RBMS1: variants seen among roughly 807,000 people sequenced by gnomAD.
RBMS1 encodes the protein RNA binding motif single stranded interacting protein 1.
A neutral mutation model predicts 62.3 loss-of-function variants in RBMS1; 17 were observed. The ratio of observed to expected loss-of-function variants is 0.27; its 90% CI spans 0.19 to 0.41. The LOEUF is 0.41. Among genes scored for constraint, RBMS1 ranks in the 10% least tolerant of loss-of-function variants. RBMS1 has a pLI of 1.00. For synonymous variants in RBMS1, 172 were observed against 170.0 expected (o/e 1.01, Z -0.09); for missense variants, 334 against 504.5 (o/e 0.66, Z 3.24).
At chr2:160,481,627 A>G (rs372190863) in intron 1 of RBMS1, among the ~76,000 whole-genome samples, 11 of 152,222 alleles carry the variant, frequency 7.2e-5, no homozygotes, top group African/African-American at 2.7e-4. Flanking sequence ...AAAAGTGAAC[A>G]AAAAGTTGAA....
At chr2:160,331,223 A>G (rs977561540) in intron 2 of RBMS1, among the ~76,000 whole-genome samples, 1 of 152,128 alleles carries the variant, frequency 6.6e-6, no homozygotes, top group Non-Finnish European at 1.5e-5. Flanking sequence ...CAAATGAATA[A>G]AACTCCAGCC....
chr2:160,287,270 A>G (rs1688449840), intron 6 of RBMS1, among the ~76,000 whole-genome samples, 186 bp from the exon 7 acceptor site: 1 of 152,258 alleles, frequency 6.6e-6, no homozygotes, highest in African/African-American at 2.4e-5. Context: ...AGAAAAACAT[A>G]CTAGTTATTA....
intron 2 of RBMS1, among the ~76,000 whole-genome samples, chr2:160,333,340 C>T (rs1691385223): frequency 6.6e-6 from 1 of 152,166 alleles, no homozygotes; most frequent in Admixed American, 6.5e-5. Flanking sequence ...ATGATACAGT[C>T]CTGAAGAAAA....
intron 9 of RBMS1, chr2:160,282,887 A>G (rs1022523287): frequency 6.6e-6 from 1 of 152,244 alleles, no homozygotes; most frequent in African/African-American, 2.4e-5. Flanking sequence ...CCCTGAACTT[A>G]TGTAGTTAAA....
intron 1 of RBMS1, among the ~76,000 whole-genome samples, chr2:160,398,730 G>C (rs1018049993): frequency 5.3e-5 from 8 of 151,988 alleles, no homozygotes; most frequent in African/African-American, 1.9e-4. Flanking sequence ...AGAAAGGCTG[G>C]GTTTTTCCTC....
intron 1 of RBMS1, among the ~76,000 whole-genome samples, chr2:160,445,996 CAAA>C (rs564694189): frequency 0.045 from 6,432 of 143,614 alleles, 205 homozygotes; most frequent in South Asian, 0.083. Flanking sequence ...CCATCAGCTC[CAAA>C]AAAAAAAAAT....
At chr2:160,471,973 G>A (rs925228341) in intron 1 of RBMS1, among the ~76,000 whole-genome samples, 9 of 151,690 alleles carry the variant, frequency 5.9e-5, no homozygotes, top group South Asian at 2.1e-4. Flanking sequence ...TCTATTTATC[G>A]GGCTGACAGT....
chr2:160,293,556 A>G (rs1030683294), intron 6 of RBMS1, among the ~76,000 whole-genome samples: 4 of 152,232 alleles, frequency 2.6e-5, no homozygotes, highest in African/African-American at 9.6e-5. Flanking sequence ...CCCTGCCCTT[A>G]GCACACAGGG....
intron 2 of RBMS1, among the ~76,000 whole-genome samples, chr2:160,337,135 C>CTT (rs768216149): frequency 0.025 from 3,421 of 136,340 alleles, 171 homozygotes; most frequent in African/African-American, 0.081. Context: ...TTTTTCTTTT[C>CTT]TTTTTTTTTT....
At chr2:160,343,591 G>A (rs1227422868) in intron 2 of RBMS1, among the ~76,000 whole-genome samples, 1 of 152,108 alleles carries the variant, frequency 6.6e-6, no homozygotes, top group African/African-American at 2.4e-5. Context: ...AGGAAGTTCT[G>A]ACCTCTGCTG....
intron 7 of RBMS1, 42 bp downstream of exon 7, chr2:160,286,927 C>T (rs941265906): frequency 9.3e-6 from 15 of 1,609,540 alleles, no homozygotes; most frequent in Middle Eastern, 2.2e-4. Context: ...TTCAAGATCA[C>T]ACCCCCTCCC....
intron 5 of RBMS1, among the ~76,000 whole-genome samples, chr2:160,302,132 T>G (rs973880720): frequency 6.6e-6 from 1 of 152,114 alleles, no homozygotes; most frequent in African/African-American, 2.4e-5. Flanking sequence ...AGTGTTTTTT[T>G]TCTGGGGAGA....
chr2:160,358,904 AT>A (rs1215321138), intron 2 of RBMS1, among the ~76,000 whole-genome samples: 19 of 152,292 alleles, frequency 1.2e-4, no homozygotes, highest in African/African-American at 4.6e-4. Flanking sequence ...AGAAATAAAA[AT>A]TCACTAGATA....
At chr2:160,345,284 G>C (rs910617932) in intron 2 of RBMS1, among the ~76,000 whole-genome samples, 4 of 152,064 alleles carry the variant, frequency 2.6e-5, no homozygotes, top group Non-Finnish European at 5.9e-5. Context: ...AGTTTATAGA[G>C]AGCAGCTGAA....
intron 13 of RBMS1, 48 bp downstream of exon 13, chr2:160,275,582 A>G: frequency 1.9e-6 from 3 of 1,599,194 alleles, no homozygotes; most frequent in South Asian, 2.2e-5. Context: ...AGCCCTATAG[A>G]TTGTGCTTGA....
At chr2:160,423,762 T>C (rs1416572743) in intron 1 of RBMS1, among the ~76,000 whole-genome samples, 1 of 152,196 alleles carries the variant, frequency 6.6e-6, no homozygotes, top group Non-Finnish European at 1.5e-5. Context: ...TCTAGACCCC[T>C]GGTTCAAACT....
chr2:160,370,635 A>G (rs2105165086), intron 1 of RBMS1, among the ~76,000 whole-genome samples: 1 of 152,352 alleles, frequency 6.6e-6, no homozygotes, highest in South Asian at 2.1e-4. Flanking sequence ...CAGGGCTAGA[A>G]TTTGAACGCA....
intron 1 of RBMS1, among the ~76,000 whole-genome samples, chr2:160,382,487 A>C (rs543253281): frequency 6.6e-6 from 1 of 152,322 alleles, no homozygotes; most frequent in Non-Finnish European, 1.5e-5. Flanking sequence ...GAGTCCTAAT[A>C]ATCTTATTAC....
chr2:160,407,876 C>A, intron 1 of RBMS1: 1 of 981,106 alleles, frequency 1.0e-6, no homozygotes, highest in Non-Finnish European at 1.2e-6. Flanking sequence ...GCCGCGTCCC[C>A]ACCTACCGCG....
Sources: gnomAD v4.1 joint callset for allele counts (sites outside exome capture counted in the v4.1 genomes callset) on GRCh38, gnomAD v4.1.1 for gene constraint, MANE v1.5 for transcripts, NCBI Gene and HGNC (gene_info 2026-07-23, HGNC 2026-07-21) for gene names.